The following PTPRR variants were observed in gnomAD, a reference collection of about 807,000 sequenced individuals.
The protein encoded by PTPRR is receptor-type tyrosine-protein phosphatase R.
PTPRR carries 38 observed loss-of-function variants against 77.2 expected under a neutral mutation model. That is an observed-to-expected ratio of 0.49 (90% CI 0.38 to 0.65). The LOEUF (loss-of-function observed/expected upper bound fraction) is 0.65. PTPRR is among the 30% of genes least tolerant of loss of function. The pLI is 0.00. For missense variants in PTPRR, 744 were observed against 799.2 expected, an observed-to-expected ratio of 0.93 and a Z score of 0.83; for synonymous variants, 299 against 283.1, an observed-to-expected ratio of 1.06 and a Z score of -0.57.
intron 2 of PTPRR, among the ~76,000 whole-genome samples, chr12:70,804,376 C>G (rs1891672352): frequency 6.6e-6 from 1 of 151,796 alleles, no homozygotes; most frequent in African/African-American, 2.4e-5. Context: ...GGCAACATGG[C>G]AAAACCCTGT....
chr12:70,879,950 C>G (rs1893120267), intron 2 of PTPRR, among the ~76,000 whole-genome samples: 1 of 152,116 alleles, frequency 6.6e-6, no homozygotes, highest in African/African-American at 2.4e-5. Context: ...CAGTAAAGGT[C>G]TCTGTATTTG....
At chr12:70,682,475 T>G (rs1043003716) in intron 10 of PTPRR, among the ~76,000 whole-genome samples, 1 of 152,196 alleles carries the variant, frequency 6.6e-6, no homozygotes, top group Non-Finnish European at 1.5e-5. Context: ...ATATGTTTAA[T>G]TTTCTGGTTT....
chr12:70,797,375 A>T (rs1891534532), intron 2 of PTPRR, among the ~76,000 whole-genome samples: 2 of 152,102 alleles, frequency 1.3e-5, no homozygotes, highest in African/African-American at 2.4e-5. Flanking sequence ...CATTTTCTAC[A>T]TCATCAGTTT....
intron 6 of PTPRR, among the ~76,000 whole-genome samples, chr12:70,717,092 A>G (rs1459303116): frequency 6.6e-6 from 1 of 152,222 alleles, no homozygotes; most frequent in African/African-American, 2.4e-5. Flanking sequence ...TTTCTCTAAC[A>G]TACTATTCTT....
chr12:70,916,657 A>T (rs1893779948), intron 1 of PTPRR, among the ~76,000 whole-genome samples: 1 of 151,934 alleles, frequency 6.6e-6, no homozygotes, highest in Non-Finnish European at 1.5e-5. Context: ...TCTAAGGAAC[A>T]TCTTAAAATC....
intron 2 of PTPRR, among the ~76,000 whole-genome samples, chr12:70,774,987 T>A (rs1891059005): frequency 6.6e-6 from 1 of 152,214 alleles, no homozygotes; most frequent in South Asian, 2.1e-4. Flanking sequence ...TGTACAACAT[T>A]CTGCGATATA....
intron 6 of PTPRR, among the ~76,000 whole-genome samples, chr12:70,708,350 T>C (rs377282741): frequency 6.6e-5 from 10 of 152,028 alleles, no homozygotes; most frequent in African/African-American, 1.4e-4. Context: ...AATACAGGAA[T>C]TGGGGGGACT....
intron 2 of PTPRR, among the ~76,000 whole-genome samples, chr12:70,835,969 G>C (rs1392477609): frequency 6.6e-6 from 1 of 151,992 alleles, no homozygotes; most frequent in Admixed American, 6.6e-5. Flanking sequence ...CTGTTAACAA[G>C]CTCTCCCTCA....
intron 6 of PTPRR, among the ~76,000 whole-genome samples, chr12:70,717,096 T>A (rs985986993): frequency 6.6e-6 from 1 of 152,236 alleles, no homozygotes; most frequent in Non-Finnish European, 1.5e-5. Flanking sequence ...TCTAACATAC[T>A]ATTCTTCCTC....
At chr12:70,893,735 A>C (rs960379722) in intron 1 of PTPRR, among the ~76,000 whole-genome samples, 14 of 151,982 alleles carry the variant, frequency 9.2e-5, no homozygotes, top group African/African-American at 3.4e-4. Flanking sequence ...TGAGGTAGAA[A>C]CCATGTGTCA....
Position 70,662,946 on chromosome 12 carries a change from G to A in PTPRR, c.1498-341C>T, listed in dbSNP as rs1886850243. Among the ~76,000 whole-genome samples the A allele has an allele frequency of 1.3e-5, 2 of 151,556 alleles. 1 individual carries two copies. Among genetic ancestry groups the A allele is most frequent in the South Asian group, 4.1e-4 (2 of 4,824 alleles). ...AATTAAGAAGTTAAGAAATTTAAGAGTTAAGAAATTGAGATCCAAATATTA... is the reference window on the plus strand; with the variant it reads ...AATTAAGAAGTTAAGAAATTTAAGAATTAAGAAATTGAGATCCAAATATTA... On this transcript the variant is annotated intron_variant, in intron 10 of 13. Coordinates refer to ENST00000283228, the MANE Select transcript of PTPRR (RefSeq NM_002849.4).
chr12:70,764,117 G>C (rs1429004005), intron 3 of PTPRR, among the ~76,000 whole-genome samples: 1 of 151,424 alleles, frequency 6.6e-6, no homozygotes, highest in Non-Finnish European at 1.5e-5. Flanking sequence ...AGTCCTCAGG[G>C]TCAGTTCTTT....
At chr12:70,800,964 T>TC in intron 2 of PTPRR, among the ~76,000 whole-genome samples, 1 of 151,836 alleles carries the variant, frequency 6.6e-6, no homozygotes, top group East Asian at 1.9e-4. Flanking sequence ...ATGCACCTTC[T>TC]CCCCACAAAC....
intron 2 of PTPRR, among the ~76,000 whole-genome samples, chr12:70,784,148 G>C (rs916741947): frequency 1.3e-5 from 2 of 152,180 alleles, no homozygotes; most frequent in Admixed American, 6.5e-5. Flanking sequence ...CCGCAGCCCT[G>C]ACTTGGGCAG....
intron 1 of PTPRR, among the ~76,000 whole-genome samples, chr12:70,901,192 T>C (rs576999405): frequency 7.3e-5 from 11 of 151,678 alleles, no homozygotes; most frequent in South Asian, 2.1e-4. Flanking sequence ...GGAAATGGTA[T>C]GGCAGTTCCT....
chr12:70,673,030 GCA>G (rs1491449303), intron 10 of PTPRR: 540 of 333,346 alleles, frequency 1.6e-3, no homozygotes, highest in South Asian at 7.0e-3. Context: ...TCGGGCCAAA[GCA>G]AAAAAAAAAA....
intron 3 of PTPRR, among the ~76,000 whole-genome samples, chr12:70,762,587 A>G (rs777351468): frequency 6.6e-6 from 1 of 152,238 alleles, no homozygotes; most frequent in Non-Finnish European, 1.5e-5. Flanking sequence ...CAATTTAAAT[A>G]GTTTGTGACC....
intron 10 of PTPRR, among the ~76,000 whole-genome samples, chr12:70,683,173 T>C (rs1887736944): frequency 6.6e-6 from 1 of 152,176 alleles, no homozygotes; most frequent in African/African-American, 2.4e-5. Flanking sequence ...CAAAGGCTTA[T>C]AAAGGAATGC....
At chr12:70,914,307 G>T (rs1244496617) in intron 1 of PTPRR, among the ~76,000 whole-genome samples, 1 of 152,142 alleles carries the variant, frequency 6.6e-6, no homozygotes, top group Non-Finnish European at 1.5e-5. Context: ...TATTCTAAAA[G>T]AAAAGGAGAT....
Sources: allele counts gnomAD v4.1 joint callset (sites outside exome capture counted in the v4.1 genomes callset), GRCh38; gene constraint gnomAD v4.1.1; transcripts MANE v1.5; gene names NCBI Gene and HGNC (gene_info 2026-07-23, HGNC 2026-07-21).